The following ANKRD13B variants were observed in gnomAD, a reference collection of about 807,000 sequenced individuals.
ANKRD13B encodes ankyrin repeat domain-containing protein 13B.
In ANKRD13B, 33 loss-of-function variants were observed where a neutral mutation model predicts 74.4. The observed-to-expected ratio is 0.44, with a 90% CI of 0.34 to 0.59. The LOEUF is 0.59. Ranked by LOEUF, ANKRD13B falls within the 20% of genes least tolerant of loss-of-function variation. The pLI is 0.02. For synonymous variants in ANKRD13B, 341 were observed against 362.9 expected, an observed-to-expected ratio of 0.94 and a Z score of 0.68; for missense variants, 676 against 877.9, an observed-to-expected ratio of 0.77 and a Z score of 2.91.
Position 29,612,964 on chromosome 17 carries a change from G to A in ANKRD13B, c.1652+1G>A. ...CCTACGAGGGTCGCCGACAGGACAGGTCAGTGCCCGCTGGGCCGGAGAGAA... is the reference window on the plus strand; with the variant it reads ...CCTACGAGGGTCGCCGACAGGACAGATCAGTGCCCGCTGGGCCGGAGAGAA... On this transcript the variant is annotated splice_donor_variant, in intron 14 of 14. Transcript: ENST00000394859. LOFTEE classifies it high-confidence loss of function. This position sits in a 1 kb window ranked among gnomAD's most constrained non-coding sequence, Gnocchi z 6.1. 6.3e-7 allele frequency: 1 copy of A among 1,596,850 alleles called. No individual in the cohort carries two copies. Among genetic ancestry groups the A allele is most frequent in the South Asian group, 1.1e-5 (1 of 90,788 alleles).
chr17:29,599,866 T>TG (rs2034092803), intron 1 of ANKRD13B, among the ~76,000 whole-genome samples: 1 of 60,204 alleles, frequency 1.7e-5, no homozygotes, highest in East Asian at 3.2e-4. Flanking sequence ...ATCTAATTTG[T>TG]TTTTTTTTTT....
chr17:29,608,556 G>A lies in ANKRD13B; in HGVS notation c.422-295G>A. The A allele has an allele frequency of 3.5e-6, 2 of 574,240 alleles. No individual in the cohort carries two copies. Among genetic ancestry groups the A allele is most frequent in the South Asian group, 2.3e-5 (1 of 44,244 alleles). 35.6% of individuals were successfully genotyped at this position (574,240 alleles called of 1,614,324 possible). A position where few individuals can be genotyped will look rare whatever the true frequency, so the allele number is the denominator to read the frequency against. ...TCCCAGTGGCTGGAACACTCAGTAG[G>A]TGTTTCATAAATATTTGTTGAAAGA... On this transcript the variant is annotated intron_variant, in intron 4 of 14. Coordinates refer to ENST00000394859, the MANE Select transcript of ANKRD13B (RefSeq NM_152345.5). The surrounding 1 kb of genome is among the most constrained non-coding windows in gnomAD (Gnocchi z 6.4).
intron 1 of ANKRD13B, among the ~76,000 whole-genome samples, chr17:29,602,022 G>A (rs1175897150): frequency 1.3e-5 from 2 of 152,190 alleles, no homozygotes; most frequent in Non-Finnish European, 2.9e-5. Flanking sequence ...CTTACTTGGG[G>A]TTCATTGAAT....
chr17:29,611,982 T>C lies in ANKRD13B; in HGVS notation c.1076T>C (p.Met359Thr). The C allele has an allele frequency of 6.2e-7, 1 of 1,613,488 alleles. No individual in the cohort carries two copies. ...ELGNRDMGRP[M>T]ELTTKTQKFK... ...GGCAACCGTGATATGGGCCGCCCCA[T>C]GGAACTGACCACCAAGACACAGAAG... is the stretch of plus-strand genomic sequence containing the variant. The change falls in exon 10 of 15, where the codon ATG becomes ACG. Residue 359 changes from methionine to threonine, a missense_variant. Met to Thr is a moderately conservative substitution (Grantham distance 81). Transcript: ENST00000394859. The surrounding 1 kb of genome is among the most constrained non-coding windows in gnomAD (Gnocchi z 4.3).
intron 1 of ANKRD13B, among the ~76,000 whole-genome samples, chr17:29,605,062 C>T (rs1177847922): frequency 6.6e-6 from 1 of 152,200 alleles, no homozygotes; most frequent in Non-Finnish European, 1.5e-5. Context: ...TCACTATACA[C>T]ATGTGAAGTT....
At position 29,608,077 on chromosome 17, in the gene ANKRD13B, G is replaced by A. The variant is rs1039435859; in HGVS notation, c.342G>A (p.Ala114=). ...ACCAGCGGGTGGTGAAGCGGCTGGC[G>A]GGCATCCCCGTGCTCCTGGAGAAGC... is the stretch of plus-strand genomic sequence containing the variant. ...RDYQRVVKRL[A]GIPVLLEKLR... is the part of the protein sequence containing the mutation. Residue 114 remains alanine (A), a synonymous_variant, in exon 3 of 15, where the codon GCG becomes GCA. Transcript: ENST00000394859. The surrounding 1 kb of genome is among the most constrained non-coding windows in gnomAD (Gnocchi z 6.4). The A allele has an allele frequency of 2.3e-5, 37 of 1,612,656 alleles. No homozygotes were observed. Among genetic ancestry groups the A allele is most frequent in the East Asian group, 4.5e-5 (2 of 44,846 alleles).
chr17:29,607,572 T>C (rs989720770), intron 1 of ANKRD13B, among the ~76,000 whole-genome samples, 170 bp from the exon 2 acceptor site: 7 of 152,224 alleles, frequency 4.6e-5, no homozygotes, highest in African/African-American at 1.4e-4. Context: ...TCATAGTGTC[T>C]GTCTTTCCGT....
chr17:29,608,706 G>A lies in ANKRD13B; in HGVS notation c.422-145G>A. 8.5e-7 allele frequency: 1 copy of A among 1,181,010 alleles called. No individual in the cohort carries two copies. Among genetic ancestry groups the A allele is most frequent in the South Asian group, 1.6e-5 (1 of 63,874 alleles). The allele number at this position is 1,181,010 out of a possible 1,614,324, so 73.2% of individuals were successfully genotyped here. ...GTGAGTATGGTCTACACTGGCCAGG[G>A]AGGGGGTTTTGGAGGAGAGGCTGCT... is the stretch of plus-strand genomic sequence containing the variant. On this transcript the variant is annotated intron_variant, in intron 4 of 14. Transcript: ENST00000394859. This position sits in a 1 kb window ranked among gnomAD's most constrained non-coding sequence, Gnocchi z 6.4.
chr17:29,602,954 C>G (rs1350406518), intron 1 of ANKRD13B, among the ~76,000 whole-genome samples: 1 of 152,038 alleles, frequency 6.6e-6, no homozygotes, highest in African/African-American at 2.4e-5. Flanking sequence ...CGGGTTCAAG[C>G]GATTCTCCTG....
Position 29,608,033 on chromosome 17 carries a change from G to A in ANKRD13B, c.298G>A (p.Val100Met). The change falls in exon 3 of 15, where the codon GTG becomes ATG. Residue 100 changes from valine to methionine, a missense_variant. By Grantham distance (21) the Val-to-Met change is conservative. Coordinates refer to ENST00000394859, the MANE Select transcript of ANKRD13B (RefSeq NM_152345.5). This position sits in a 1 kb window ranked among gnomAD's most constrained non-coding sequence, Gnocchi z 6.4. ...STRDLELVQL[V>M]LRYRDYQRVV... ...CCGGGACCTGGAGCTGGTGCAGCTG[G>A]TGCTTCGGTACCGGGACTACCAGCG... 1 of 1,612,586 alleles carries A rather than the reference G, an allele frequency of 6.2e-7. No individual in the cohort carries two copies. The highest frequency in any genetic ancestry group is 8.5e-7 in the Non-Finnish European group (1 of 1,179,378).
chr17:29,605,502 C>G (rs2034339587), intron 1 of ANKRD13B, among the ~76,000 whole-genome samples: 1 of 152,166 alleles, frequency 6.6e-6, no homozygotes, highest in African/African-American at 2.4e-5. Flanking sequence ...GCGTCTCACT[C>G]TGTTGCCCAG....
chr17:29,606,061 G>GCCT (rs2034361304), intron 1 of ANKRD13B, among the ~76,000 whole-genome samples: 1 of 151,594 alleles, frequency 6.6e-6, no homozygotes, highest in Non-Finnish European at 1.5e-5. Flanking sequence ...TACAGGCATG[G>GCCT]GCCACCACGC....
At chr17:29,594,162 A>AC (rs918318842) in intron 1 of ANKRD13B, 8 of 152,322 alleles carry the variant, frequency 5.3e-5, no homozygotes, top group African/African-American at 1.9e-4. Flanking sequence ...ACTCCCAGGC[A>AC]CCCCAGCCCC....
In ANKRD13B at chr17:29,593,253, G is replaced by A. The variant is rs2033829015; in HGVS notation, c.-369G>A. Among the ~76,000 whole-genome samples, 1 of 148,954 alleles carries A rather than the reference G, an allele frequency of 6.7e-6. No homozygotes were observed. Among genetic ancestry groups the A allele is most frequent in the South Asian group, 2.1e-4 (1 of 4,810 alleles). ...CGCGTCCCTGCGGCGGCGTCCCCGG[G>A]GCCCGCGTCCCGTGCGCCCCCGCGC... On this transcript the variant is annotated 5_prime_UTR_variant, in exon 1 of 15. Transcript: ENST00000394859.
chr17:29,607,855 G>T lies in ANKRD13B; in HGVS notation c.228G>T (p.Arg76Ser), dbSNP rs2034444191. 1 of 1,602,500 alleles carries T rather than the reference G, an allele frequency of 6.2e-7. No homozygotes were observed. Among genetic ancestry groups the T allele is most frequent in the South Asian group, 1.1e-5 (1 of 90,808 alleles). The change falls in exon 2 of 15, where the codon AGG becomes AGT. Residue 76 changes from arginine (R) to serine (S), a missense_variant. Coordinates refer to ENST00000394859, the MANE Select transcript of ANKRD13B (RefSeq NM_152345.5). ...VLLAHGADVG[R>S]ENRSGWTVLQ... ...TGGCGCACGGCGCAGACGTGGGCAG[G>T]GAGAATCGCAGCGGCTGGACAGGTG...
At chr17:29,606,015 C>T (rs1052114202) in intron 1 of ANKRD13B, among the ~76,000 whole-genome samples, 2 of 151,808 alleles carry the variant, frequency 1.3e-5, no homozygotes, top group East Asian at 2.0e-4. Context: ...CGGGTTCAAG[C>T]GGTTCTCTTG....
Position 29,608,060 on chromosome 17 carries a change from G to T in ANKRD13B, c.325G>T (p.Val109Leu), listed in dbSNP as rs780761537. 6.2e-7 allele frequency: 1 copy of T among 1,613,460 alleles called. No individual in the cohort carries two copies. Among genetic ancestry groups the T allele is most frequent in the Non-Finnish European group, 8.5e-7 (1 of 1,179,778 alleles). ...GCTTCGGTACCGGGACTACCAGCGG[G>T]TGGTGAAGCGGCTGGCGGGCATCCC... ...LVLRYRDYQR[V>L]VKRLAGIPVL... The change falls in exon 3 of 15, where the codon GTG (valine) becomes TTG (leucine). Residue 109 changes from valine to leucine, a missense_variant. By Grantham distance (32) the Val-to-Leu change is conservative. Around this residue, in one of 4 missense-constraint regions of ANKRD13B, gnomAD observed 328 missense variants for 518.4 expected, o/e 0.63. Coordinates refer to ENST00000394859, the MANE Select transcript of ANKRD13B (RefSeq NM_152345.5). The surrounding 1 kb of genome is among the most constrained non-coding windows in gnomAD (Gnocchi z 6.4).
chr17:29,613,369 G>A lies in ANKRD13B; in HGVS notation c.1668G>A (p.Thr556=). 6.8e-7 allele frequency: 1 copy of A among 1,465,812 alleles called. No homozygotes were observed. The highest frequency in any genetic ancestry group is 1.3e-5 in the South Asian group (1 of 75,546). The allele number at this position is 1,465,812 out of a possible 1,614,324, so 90.8% of individuals were successfully genotyped here. The change falls in exon 15 of 15, where the codon ACG becomes ACA. Residue 556 remains threonine (T), a synonymous_variant. Coordinates refer to ENST00000394859, the MANE Select transcript of ANKRD13B (RefSeq NM_152345.5). The stretch of plus-strand genomic sequence containing the variant: ...CCACCCCCAGGAGCGCCCCGCCCAC[G>A]CCGCAGCGCCAGCCTGCGCCCCCGG... ...GRRQDRSAPP[T]PQRQPAPPAS...
At chr17:29,604,294 A>G (rs1158166761) in intron 1 of ANKRD13B, among the ~76,000 whole-genome samples, 1 of 147,936 alleles carries the variant, frequency 6.8e-6, no homozygotes, top group East Asian at 2.0e-4. Context: ...TTGCAGCCTC[A>G]ACCTCCTGGG....
Sources: gnomAD v4.1 joint callset for allele counts (sites outside exome capture counted in the v4.1 genomes callset) on GRCh38, gnomAD v4.1.1 for gene constraint, gnomAD v4.1.1 regional missense constraint, Gnocchi (gnomAD v3.1) non-coding constraint, MANE v1.5 for transcripts, NCBI Gene and HGNC (gene_info 2026-07-23, HGNC 2026-07-21) for gene names.